The following CORO1C variants were observed in gnomAD, a reference collection of about 807,000 sequenced individuals.
The protein encoded by CORO1C is coronin-1C.
In CORO1C, 14 loss-of-function variants were observed where a neutral mutation model predicts 51.2. That is an observed-to-expected ratio of 0.27 (90% CI 0.18 to 0.43). The LOEUF (loss-of-function observed/expected upper bound fraction) is 0.43, where lower values mean the gene tolerates loss of function less well. Ranked by LOEUF, CORO1C falls within the 20% of genes least tolerant of loss-of-function variation. CORO1C has a pLI of 1.00. For synonymous variants in CORO1C, 181 were observed against 210.5 expected, an observed-to-expected ratio of 0.86 and a Z score of 1.21; for missense variants, 417 against 607.8, an observed-to-expected ratio of 0.69 and a Z score of 3.30.
chr12:108,708,374 C>G (rs1415466343), intron 1 of CORO1C, among the ~76,000 whole-genome samples: 1 of 151,738 alleles, frequency 6.6e-6, no homozygotes, highest in East Asian at 1.9e-4. Flanking sequence ...TGAAAGAAAC[C>G]AGTCACAAAA....
intron 1 of CORO1C, among the ~76,000 whole-genome samples, chr12:108,718,323 G>A (rs1003149122): frequency 2.7e-5 from 4 of 149,766 alleles, no homozygotes; most frequent in Non-Finnish European, 3.0e-5. Context: ...AGCTGAAATC[G>A]CACTACTGCA....
At chr12:108,706,776 G>T (rs1017016295) in intron 1 of CORO1C, among the ~76,000 whole-genome samples, 2 of 152,078 alleles carry the variant, frequency 1.3e-5, no homozygotes, top group African/African-American at 4.8e-5. Context: ...CAGAGACAGG[G>T]TTTCACTATG....
intron 2 of CORO1C, among the ~76,000 whole-genome samples, chr12:108,685,411 T>TA (rs771987972): frequency 4.6e-5 from 7 of 152,130 alleles, no homozygotes; most frequent in Non-Finnish European, 1.0e-4. Flanking sequence ...TTTAAGTACT[T>TA]AAATTACAAG....
chr12:108,701,375 T>C (rs1592927233), intron 1 of CORO1C, 52 bp from the exon 2 acceptor site: 1 of 1,609,760 alleles, frequency 6.2e-7, no homozygotes, highest in East Asian at 2.2e-5. Flanking sequence ...AACTGAAAGC[T>C]TTACTTTTAC....
Position 108,662,197 on chromosome 12 carries a change from A to AT in CORO1C, c.319-40dup. 1.9e-6 allele frequency: 3 copies of AT among 1,590,072 alleles called. No homozygotes were observed. The East Asian group carries it at 6.7e-5, about 36-fold the overall frequency. ...AAGAAAGATGATCCACATGAAAGCTATTGCCTTTCATTATCACATTTACAG... is the reference window on the plus strand; with the variant it reads ...AAGAAAGATGATCCACATGAAAGCTATTTGCCTTTCATTATCACATTTACAG... On this transcript the variant is annotated intron_variant, in intron 3 of 10. Coordinates refer to ENST00000261401, the MANE Select transcript of CORO1C (RefSeq NM_014325.4).
chr12:108,666,557 T>C (rs1213309898), intron 3 of CORO1C, among the ~76,000 whole-genome samples: 1 of 152,184 alleles, frequency 6.6e-6, no homozygotes, highest in East Asian at 1.9e-4. Flanking sequence ...TCTGCTACTC[T>C]GGGTGATGGC....
At chr12:108,681,578 C>T (rs1565917952) in intron 2 of CORO1C, among the ~76,000 whole-genome samples, 1 of 152,116 alleles carries the variant, frequency 6.6e-6, no homozygotes, top group Non-Finnish European at 1.5e-5. Context: ...AGAAAAACCA[C>T]CACCCTTGTA....
In CORO1C at chr12:108,716,883, T is replaced by G. The variant is rs75522117; in HGVS notation, c.-6+14546A>C. ...AGGTCCTTAATCCCAGTCATTCTTT[T>G]GTTCAACAACTATTCACTCGGCTTT... is the stretch of plus-strand genomic sequence containing the variant. On this transcript the variant is annotated intron_variant, in intron 1 of 10. Coordinates refer to ENST00000261401, the MANE Select transcript of CORO1C (RefSeq NM_014325.4). Among the ~76,000 whole-genome samples, 4 of 152,368 alleles carry G rather than the reference T, an allele frequency of 2.6e-5. No individual in the cohort carries two copies. The East Asian group carries it at 7.7e-4, about 29-fold the overall frequency.
intron 2 of CORO1C, among the ~76,000 whole-genome samples, chr12:108,682,564 A>G (rs1329089624): frequency 1.3e-5 from 2 of 152,234 alleles, no homozygotes; most frequent in Non-Finnish European, 2.9e-5. Flanking sequence ...ACAGAACTTG[A>G]AGAAAATGAC....
In CORO1C at chr12:108,702,527, A is replaced by G. The variant is rs552597092; in HGVS notation, c.-5-1204T>C. Among the ~76,000 whole-genome samples the G allele has an allele frequency of 7.2e-5, 11 of 152,330 alleles. No individual in the cohort carries two copies. In the South Asian group the frequency reaches 1.7e-3, roughly 23 times the overall value. ...AGACTGCACCCAATGTAATTTTCCT[A>G]TGTGCTACTGCAGGACATTCTGTTC... On this transcript the variant is annotated intron_variant, in intron 1 of 10. Coordinates refer to ENST00000261401, the MANE Select transcript of CORO1C (RefSeq NM_014325.4).
At chr12:108,655,132 T>C (rs982536320) in intron 6 of CORO1C, among the ~76,000 whole-genome samples, 2 of 152,174 alleles carry the variant, frequency 1.3e-5, no homozygotes, top group African/African-American at 2.4e-5. Flanking sequence ...ACAGAAGCTA[T>C]TATCATTTTG....
intron 7 of CORO1C, among the ~76,000 whole-genome samples, chr12:108,653,513 A>G (rs148548510): frequency 3.7e-4 from 56 of 152,342 alleles, no homozygotes; most frequent in African/African-American, 1.2e-3. Flanking sequence ...CTACCTCAAC[A>G]GCTCCACTGT....
At position 108,646,093 on chromosome 12, in the gene CORO1C, T is replaced by C. The variant is rs2111211; in HGVS notation, c.*1310A>G. On this transcript the variant is annotated 3_prime_UTR_variant, in exon 11 of 11. Coordinates refer to ENST00000261401, the MANE Select transcript of CORO1C (RefSeq NM_014325.4). ...GCATTAAAGCTACAGCAGAGGTCTG[T>C]GCTCCTGTTTCTGCTTCACTCTCTA... 0.57 allele frequency: 86,469 copies of C among 152,100 alleles called. 25,359 individuals carry two copies. The highest frequency in any genetic ancestry group is 0.99 in the East Asian group (5,147 of 5,186). 9.4% of individuals were successfully genotyped at this position (152,100 alleles called of 1,614,324 possible). A position where few individuals can be genotyped will look rare whatever the true frequency, so the allele number is the denominator to read the frequency against.
At chr12:108,661,520 G>T (rs1347308249) in intron 4 of CORO1C, among the ~76,000 whole-genome samples, 1 of 152,104 alleles carries the variant, frequency 6.6e-6, no homozygotes, top group Non-Finnish European at 1.5e-5. Context: ...CTGAGTGGTG[G>T]GATTAAAAGT....
intron 3 of CORO1C, 61 bp from the exon 4 acceptor site, chr12:108,662,219 A>ATAGTGGATGGT: frequency 7.0e-7 from 1 of 1,430,486 alleles, no homozygotes; most frequent in Non-Finnish European, 9.8e-7. Context: ...TATCACATTT[A>ATAGTGGATGGT]CAGTGACCAT....
chr12:108,657,439 GCA>G lies in CORO1C; in HGVS notation c.631-18_631-17del. The G allele has an allele frequency of 6.2e-7, 1 of 1,610,450 alleles. No individual in the cohort carries two copies. The highest frequency in any genetic ancestry group is 1.3e-5 in the African/African-American group (1 of 74,904). ...TCTCCTTCTCCTGGAGAGCAAAAAG[GCA>G]CATGCCACACATTAAACTGCAAGAA... On this transcript the variant is annotated splice_polypyrimidine_tract_variant and intron_variant, in intron 5 of 10. Transcript: ENST00000261401.
At chr12:108,687,770 G>A (rs1047127487) in intron 2 of CORO1C, among the ~76,000 whole-genome samples, 29 of 151,810 alleles carry the variant, frequency 1.9e-4, no homozygotes, top group African/African-American at 4.6e-4. Context: ...GGGTGACAGC[G>A]AGACTCTGTC....
intron 1 of CORO1C, among the ~76,000 whole-genome samples, chr12:108,722,158 C>T (rs762663352): frequency 6.6e-6 from 1 of 152,140 alleles, no homozygotes; most frequent in Admixed American, 6.6e-5. Flanking sequence ...CAGTAAGGAA[C>T]CTCCTCTTTA....
At chr12:108,679,109 C>CAAAAAAAAAA (rs1183326267) in intron 2 of CORO1C, among the ~76,000 whole-genome samples, 2 of 22,142 alleles carry the variant, frequency 9.0e-5, no homozygotes, top group Non-Finnish European at 1.9e-4. Flanking sequence ...GACTCTGTCT[C>CAAAAAAAAAA]AAAAAAAAAA....
Sources: allele counts gnomAD v4.1 joint callset (sites outside exome capture counted in the v4.1 genomes callset), GRCh38; gene constraint gnomAD v4.1.1; transcripts MANE v1.5; gene names NCBI Gene and HGNC (gene_info 2026-07-23, HGNC 2026-07-21).